The following HHIP variants were observed in gnomAD, a reference collection of about 807,000 sequenced individuals.
HHIP encodes the protein hedgehog interacting protein, also known as hedgehog-interacting protein.
A neutral mutation model predicts 74.0 loss-of-function variants in HHIP; 12 were observed. That is an observed-to-expected ratio of 0.16 (90% confidence interval 0.10 to 0.26). The LOEUF is 0.26. HHIP is among the 10% of genes least tolerant of loss of function. The probability of loss-of-function intolerance (pLI) is 1.00; values close to 1 mark genes in which losing one functional copy is unlikely to be tolerated. For missense variants in HHIP, 788 were observed against 845.0 expected, an observed-to-expected ratio of 0.93 and a Z score of 0.84; for synonymous variants, 309 against 311.6, an observed-to-expected ratio of 0.99 and a Z score of 0.09.
At chr4:144,732,823 T>G (rs1369478414) in intron 11 of HHIP, among the ~76,000 whole-genome samples, 1 of 152,196 alleles carries the variant, frequency 6.6e-6, no homozygotes, top group Non-Finnish European at 1.5e-5. Flanking sequence ...TATTTCTGGG[T>G]CTCTTTTCTT....
Position 144,646,886 on chromosome 4 carries a change from G to A in HHIP, c.211G>A (p.Gly71Ser). 6.2e-7 allele frequency: 1 copy of A among 1,614,186 alleles called. No individual in the cohort carries two copies. Among genetic ancestry groups the A allele is most frequent in the Non-Finnish European group, 8.5e-7 (1 of 1,180,020 alleles). Residue 71 changes from glycine (G) to serine (S), a missense_variant, in exon 1 of 13, where the codon GGC becomes AGC. Physicochemically the swap from Gly to Ser is moderately conservative, Grantham distance 56 (BLOSUM62 0). Transcript: ENST00000296575. The part of the protein sequence containing the change: ...LLSGGEMLCG[G>S]FYPRLSCCLR... Reference sequence around the variant, plus strand: ...GAGTGGGGGAGAGATGCTGTGCGGTGGCTTCTACCCTCGGCTGTCCTGCTG... The same window carrying A: ...GAGTGGGGGAGAGATGCTGTGCGGTAGCTTCTACCCTCGGCTGTCCTGCTG...
chr4:144,693,675 C>T (rs1435122224), intron 4 of HHIP, among the ~76,000 whole-genome samples: 1 of 151,864 alleles, frequency 6.6e-6, no homozygotes, highest in Non-Finnish European at 1.5e-5. Flanking sequence ...ATCTGAACTT[C>T]ATCCAGATTA....
Position 144,718,249 on chromosome 4 carries a change from AG to A in HHIP, c.1679-620del, listed in dbSNP as rs35120666. ...TGATATTTAAGTACAGCCTTGAAGA[AG>A]GGGGGAAAAAATGAACCTAGTGGAG... On this transcript the variant is annotated intron_variant, in intron 10 of 12. Coordinates refer to ENST00000296575, the MANE Select transcript of HHIP (RefSeq NM_022475.3). 7.9e-5 allele frequency among the ~76,000 whole-genome samples: 12 copies of A among 152,270 alleles called. No homozygotes were observed. The South Asian group carries it at 2.3e-3, about 29-fold the overall frequency.
rs1731319086 is a variant in HHIP at position 144,743,547 on chromosome 4, A to G, written c.*5590A>G. The G allele has an allele frequency of 6.6e-6, 1 of 152,094 alleles. No homozygotes were observed. The highest frequency in any genetic ancestry group is 1.5e-5 in the Non-Finnish European group (1 of 67,944). The allele number at this position is 152,094 out of a possible 1,614,324, so 9.4% of individuals were successfully genotyped here. ...TCTCACATACATCATAAAGTCAGCC[A>G]TCATCTTTCATTTAGGATTTCTTGG... On this transcript the variant is annotated 3_prime_UTR_variant, in exon 13 of 13. Transcript: ENST00000296575.
chr4:144,695,350 C>T (rs1447278625), intron 4 of HHIP, among the ~76,000 whole-genome samples: 1 of 151,638 alleles, frequency 6.6e-6, no homozygotes, highest in Non-Finnish European at 1.5e-5. Context: ...ATCTTATATT[C>T]GTCCTTAGTT....
rs146851223 is a variant in HHIP, at chr4:144,734,771, G to T, written c.1791G>T (p.Thr597=). 2.5e-6 allele frequency: 4 copies of T among 1,602,556 alleles called. No homozygotes were observed. In the East Asian group the frequency reaches 8.9e-5, roughly 36 times the overall value. Residue 597 remains threonine (T), a synonymous_variant, in exon 12 of 13, where the codon ACG becomes ACT. Coordinates refer to ENST00000296575, the MANE Select transcript of HHIP (RefSeq NM_022475.3). ...TAATGCCTGAGGAATGCAGAGCCAC[G>T]GTACAACCTGCACAGACACTGACTT... ...RPLMPEECRA[T]VQPAQTLTSE...
At chr4:144,660,109 T>C in intron 4 of HHIP, 1 of 520,178 alleles carries the variant, frequency 1.9e-6, no homozygotes. Flanking sequence ...TCTTTGGCTT[T>C]ATAAAGTATT....
In HHIP at chr4:144,740,715, A is replaced by T. The variant is rs1323817923; in HGVS notation, c.*2758A>T. The T allele has an allele frequency of 1.3e-5, 2 of 152,220 alleles. No homozygotes were observed. The highest frequency in any genetic ancestry group is 4.8e-5 in the African/African-American group (2 of 41,458). 9.4% of individuals were successfully genotyped at this position (152,220 alleles called of 1,614,324 possible). Reference sequence around the variant, plus strand: ...TATGAGCAGGAAAAAATTATTGTTTAATCACATGAAAGGCAACATCTGTTC... The same window carrying T: ...TATGAGCAGGAAAAAATTATTGTTTTATCACATGAAAGGCAACATCTGTTC... On this transcript the variant is annotated 3_prime_UTR_variant, in exon 13 of 13. Coordinates refer to ENST00000296575, the MANE Select transcript of HHIP (RefSeq NM_022475.3).
chr4:144,686,044 A>G (rs1729474524), intron 4 of HHIP, among the ~76,000 whole-genome samples: 2 of 152,304 alleles, frequency 1.3e-5, no homozygotes, highest in South Asian at 2.1e-4. Context: ...TTTTTTGCCA[A>G]CTGAACATTA....
chr4:144,650,712 C>T (rs1422307999), intron 1 of HHIP: 3 of 151,944 alleles, frequency 2.0e-5, no homozygotes, highest in South Asian at 2.1e-4. Context: ...CCTGCTGGGC[C>T]GGAACAGCAT....
At chr4:144,647,008 T>C in intron 1 of HHIP, 54 bp downstream of exon 1, 2 of 1,490,598 alleles carry the variant, frequency 1.3e-6, no homozygotes, top group Non-Finnish European at 1.8e-6. Context: ...CTGGGTGGGG[T>C]TCCCTGTGGC....
intron 6 of HHIP, 75 bp downstream of exon 6, chr4:144,707,335 G>A: frequency 1.6e-6 from 2 of 1,271,932 alleles, no homozygotes; most frequent in Non-Finnish European, 2.2e-6. Context: ...GTGGGCACCA[G>A]TGAATTAAGA....
At chr4:144,683,595 A>G (rs1411935217) in intron 4 of HHIP, among the ~76,000 whole-genome samples, 1 of 152,238 alleles carries the variant, frequency 6.6e-6, no homozygotes, top group African/African-American at 2.4e-5. Context: ...TTTAGGCCAG[A>G]GTAAAGTGTA....
intron 4 of HHIP, among the ~76,000 whole-genome samples, chr4:144,661,997 A>G (rs1164448362): frequency 1.3e-5 from 2 of 152,238 alleles, no homozygotes; most frequent in Non-Finnish European, 2.9e-5. Flanking sequence ...CACGTTTGAA[A>G]TTGAGAATAA....
chr4:144,647,018 C>A, intron 1 of HHIP, 64 bp downstream of exon 1: 1 of 1,444,852 alleles, frequency 6.9e-7, no homozygotes. Context: ...TTCCCTGTGG[C>A]TCTGGCAAAG....
chr4:144,659,235 G>A (rs368281059), intron 3 of HHIP, among the ~76,000 whole-genome samples: 3 of 152,164 alleles, frequency 2.0e-5, no homozygotes, highest in African/African-American at 7.2e-5. Flanking sequence ...ATGGCACTGT[G>A]AAAATGTTCA....
At chr4:144,678,811 T>A (rs1259157279) in intron 4 of HHIP, among the ~76,000 whole-genome samples, 1 of 152,048 alleles carries the variant, frequency 6.6e-6, no homozygotes, top group Admixed American at 6.6e-5. Context: ...TTTCGGTTGG[T>A]TCTTTGCTAT....
Position 144,734,756 on chromosome 4 carries a change from G to A in HHIP, c.1776G>A (p.Glu592=). ...IVDPKRPLMP[E]ECRATVQPAQ... ...TTTAATGTAGACCTTTAATGCCTGA[G>A]GAATGCAGAGCCACGGTACAACCTG... The change falls in exon 12 of 13, where the codon GAG becomes GAA. Residue 592 remains glutamate (E), a synonymous_variant. Transcript: ENST00000296575. 1 of 1,590,872 alleles carries A rather than the reference G, an allele frequency of 6.3e-7. No individual in the cohort carries two copies. Among genetic ancestry groups the A allele is most frequent in the Non-Finnish European group, 8.6e-7 (1 of 1,162,290 alleles).
At chr4:144,652,923 T>A (rs2126578191) in intron 2 of HHIP, 126 bp downstream of exon 2, 2 of 610,226 alleles carry the variant, frequency 3.3e-6, no homozygotes, top group East Asian at 6.1e-5. Context: ...CTATTTTACC[T>A]CATAATTAAC....
Sources: gnomAD v4.1 joint callset for allele counts (sites outside exome capture counted in the v4.1 genomes callset) on GRCh38, gnomAD v4.1.1 for gene constraint, MANE v1.5 for transcripts, NCBI Gene and HGNC (gene_info 2026-07-23, HGNC 2026-07-21) for gene names.